Variants in PDZRN4 observed in about 807,000 individuals in gnomAD.
PDZRN4 encodes the protein PDZ domain containing ring finger 4, also known as PDZ domain-containing RING finger protein 4.
A neutral mutation model predicts 99.0 loss-of-function variants in PDZRN4; 70 were observed. That is an observed-to-expected ratio of 0.71 (90% CI 0.58 to 0.86). The LOEUF is 0.86. PDZRN4 is among the 40% of genes least tolerant of loss of function. PDZRN4 has a pLI of 0.00. For synonymous variants in PDZRN4, 551 were observed against 501.6 expected, an observed-to-expected ratio of 1.10 and a Z score of -1.32; for missense variants, 1,474 against 1,331.2, an observed-to-expected ratio of 1.11 and a Z score of -1.67.
At chr12:41,437,775 A>G (rs1299674272) in intron 3 of PDZRN4, 1 of 1,532,106 alleles carries the variant, frequency 6.5e-7, no homozygotes, top group African/African-American at 1.4e-5. Context: ...GCATGCTGCT[A>G]CACACCACTC....
At chr12:41,408,627 T>C (rs1417009150) in intron 3 of PDZRN4, among the ~76,000 whole-genome samples, 1 of 152,222 alleles carries the variant, frequency 6.6e-6, no homozygotes, top group Non-Finnish European at 1.5e-5. Flanking sequence ...TGCTGAAGAC[T>C]TTGGAAATCG....
intron 3 of PDZRN4, among the ~76,000 whole-genome samples, chr12:41,388,494 C>T (rs1952187531): frequency 6.6e-6 from 1 of 152,068 alleles, no homozygotes; most frequent in Admixed American, 6.5e-5. Flanking sequence ...ATGTAAGCTA[C>T]TGGAGGATTT....
intron 3 of PDZRN4, among the ~76,000 whole-genome samples, chr12:41,252,143 T>G (rs1172559160): frequency 1.3e-5 from 2 of 151,774 alleles, no homozygotes; most frequent in African/African-American, 2.4e-5. Context: ...AATAATAAAA[T>G]GAAGTAAAAT....
At chr12:41,366,997 A>G (rs1357857206) in intron 3 of PDZRN4, among the ~76,000 whole-genome samples, 3 of 152,046 alleles carry the variant, frequency 2.0e-5, no homozygotes, top group Non-Finnish European at 4.4e-5. Context: ...AAAGGTGATT[A>G]GACCTACGGG....
At chr12:41,415,610 T>A (rs1338956535) in intron 3 of PDZRN4, among the ~76,000 whole-genome samples, 1 of 152,060 alleles carries the variant, frequency 6.6e-6, no homozygotes, top group Non-Finnish European at 1.5e-5. Flanking sequence ...TTTGGGGAAG[T>A]ATTGTAGTTA....
intron 3 of PDZRN4, chr12:41,437,568 A>G (rs1233776538): frequency 4.1e-6 from 1 of 241,422 alleles, no homozygotes; most frequent in Non-Finnish European, 7.7e-6. Flanking sequence ...TTCATCTGTC[A>G]TCAGCAGCAG....
intron 3 of PDZRN4, among the ~76,000 whole-genome samples, chr12:41,310,493 A>G (rs573697486): frequency 2.6e-5 from 4 of 152,102 alleles, no homozygotes; most frequent in Non-Finnish European, 5.9e-5. Context: ...CACACTTGCG[A>G]AGAGGATTTA....
chr12:41,417,536 G>A (rs12322196), intron 3 of PDZRN4, among the ~76,000 whole-genome samples: 1 of 152,088 alleles, frequency 6.6e-6, no homozygotes, highest in Non-Finnish European at 1.5e-5. Flanking sequence ...TATTCAAGAC[G>A]CCAGGAACAC....
chr12:41,374,014 A>T (rs962849339), intron 3 of PDZRN4, among the ~76,000 whole-genome samples: 1 of 152,172 alleles, frequency 6.6e-6, no homozygotes, highest in African/African-American at 2.4e-5. Context: ...AGAAATTCAC[A>T]TGAGGTCAAG....
At chr12:41,396,791 G>T (rs1267835819) in intron 3 of PDZRN4, among the ~76,000 whole-genome samples, 1 of 152,004 alleles carries the variant, frequency 6.6e-6, no homozygotes, top group Non-Finnish European at 1.5e-5. Context: ...AAGACTTTTT[G>T]ATTTCTTCAT....
Position 41,189,065 on chromosome 12 carries a change from C to G in PDZRN4, c.610C>G (p.Arg204Gly), listed in dbSNP as rs1226298342. 9 of 1,580,554 alleles carry G rather than the reference C, an allele frequency of 5.7e-6. No homozygotes were observed. The highest frequency in any genetic ancestry group is 6.8e-6 in the Non-Finnish European group (8 of 1,171,618). Residue 204 changes from arginine (R) to glycine (G), a missense_variant, in exon 1 of 10, where the codon CGC (arginine) becomes GGC (glycine). Coordinates refer to ENST00000402685, the MANE Select transcript of PDZRN4 (RefSeq NM_001164595.2). ...GTTCACCCAATACATGGCTCACGTCCGCAACTTCGTCGGCGACCTCGGTGG... is the reference window on the plus strand; with the variant it reads ...GTTCACCCAATACATGGCTCACGTCGGCAACTTCGTCGGCGACCTCGGTGG... ...EKFTQYMAHV[R>G]NFVGDLGGGH... is the part of the protein sequence containing the mutation.
intron 3 of PDZRN4, among the ~76,000 whole-genome samples, chr12:41,393,436 A>C (rs1034160965): frequency 6.6e-6 from 1 of 152,016 alleles, no homozygotes; most frequent in East Asian, 1.9e-4. Flanking sequence ...TGCCTCACTC[A>C]TATATATATG....
intron 5 of PDZRN4, among the ~76,000 whole-genome samples, chr12:41,527,865 T>C (rs1938596338): frequency 6.6e-6 from 1 of 152,160 alleles, no homozygotes; most frequent in African/African-American, 2.4e-5. Flanking sequence ...ACTCTGAGGT[T>C]TTTCTATTTC....
chr12:41,261,671 A>T (rs1467974304), intron 3 of PDZRN4, among the ~76,000 whole-genome samples: 1 of 152,090 alleles, frequency 6.6e-6, no homozygotes, highest in Admixed American at 6.5e-5. Context: ...TTGTATTTTT[A>T]GTAGAGACAG....
At chr12:41,533,174 T>C (rs1355952829) in intron 5 of PDZRN4, among the ~76,000 whole-genome samples, 2 of 132,204 alleles carry the variant, frequency 1.5e-5, no homozygotes, top group Admixed American at 7.4e-5. Context: ...CTTAACTTTT[T>C]CTTTTCTTTT....
chr12:41,396,915 C>T (rs1350238386), intron 3 of PDZRN4, among the ~76,000 whole-genome samples: 1 of 151,966 alleles, frequency 6.6e-6, no homozygotes, highest in Non-Finnish European at 1.5e-5. Context: ...GTGAGAATGT[C>T]GGGTATTCAA....
chr12:41,532,948 G>T (rs1409504999), intron 5 of PDZRN4, among the ~76,000 whole-genome samples: 2 of 151,956 alleles, frequency 1.3e-5, no homozygotes, highest in Non-Finnish European at 2.9e-5. Flanking sequence ...ATTTATTGGG[G>T]ATAATGGTCT....
At chr12:41,294,383 TTTC>T (rs777279227) in intron 3 of PDZRN4, among the ~76,000 whole-genome samples, 11 of 152,194 alleles carry the variant, frequency 7.2e-5, no homozygotes, top group Admixed American at 2.6e-4. Context: ...GACTTGCCTC[TTTC>T]TTAAGAAGAG....
intron 3 of PDZRN4, among the ~76,000 whole-genome samples, chr12:41,436,427 C>A (rs1487977696): frequency 6.6e-6 from 1 of 152,172 alleles, no homozygotes; most frequent in Non-Finnish European, 1.5e-5. Flanking sequence ...TGTGACAAAG[C>A]ACTTTTAGGA....
Sources: gnomAD v4.1 joint callset for allele counts (sites outside exome capture counted in the v4.1 genomes callset) on GRCh38, gnomAD v4.1.1 for gene constraint, MANE v1.5 for transcripts, NCBI Gene and HGNC (gene_info 2026-07-23, HGNC 2026-07-21) for gene names.